Variants in PRMT3 observed in about 807,000 individuals in gnomAD.
PRMT3 encodes protein arginine methyltransferase 3.
In PRMT3, 62 loss-of-function variants were observed where a neutral mutation model predicts 71.9. That is an observed-to-expected ratio of 0.86 (90% CI 0.70 to 1.07). The LOEUF (loss-of-function observed/expected upper bound fraction) is 1.07, where lower values mean the gene tolerates loss of function less well. Among genes scored for constraint, PRMT3 ranks in the 50% least tolerant of loss-of-function variants. The probability of loss-of-function intolerance (pLI) is 0.00; values close to 1 mark genes in which losing one functional copy is unlikely to be tolerated. For missense variants in PRMT3, 663 were observed against 643.0 expected, an observed-to-expected ratio of 1.03 and a Z score of -0.34; for synonymous variants, 213 against 220.4, an observed-to-expected ratio of 0.97 and a Z score of 0.30.
intron 13 of PRMT3, among the ~76,000 whole-genome samples, chr11:20,475,542 T>A (rs556478256): frequency 3.1e-4 from 46 of 150,220 alleles, no homozygotes; most frequent in African/African-American, 1.0e-3. Flanking sequence ...ACTGAAACAT[T>A]GTTATGTGGC....
At chr11:20,437,500 T>C (rs1183226473) in intron 10 of PRMT3, among the ~76,000 whole-genome samples, 1 of 152,226 alleles carries the variant, frequency 6.6e-6, no homozygotes, top group African/African-American at 2.4e-5. Context: ...CTTTGCAGCT[T>C]CTTGACCTGT....
intron 13 of PRMT3, among the ~76,000 whole-genome samples, chr11:20,473,219 C>G (rs1850694192): frequency 6.6e-6 from 1 of 151,734 alleles, no homozygotes; most frequent in South Asian, 2.1e-4. Context: ...TTTTTTGTGT[C>G]TCTATCTTCT....
In PRMT3 at chr11:20,388,135, C is replaced by G. The variant is rs772486813; in HGVS notation, c.145C>G (p.Pro49Ala). 15 of 1,613,852 alleles carry G rather than the reference C, an allele frequency of 9.3e-6. No homozygotes were observed. Among genetic ancestry groups the G allele is most frequent in the Non-Finnish European group, 1.7e-6 (2 of 1,179,996 alleles). Residue 49 changes from proline to alanine, a missense_variant, in exon 2 of 16, where the codon CCC (proline) becomes GCC (alanine). Transcript: ENST00000331079. Reference protein sequence around the residue: ...ADLPHGKQQTPCLFCNRLFTS... With the variant: ...ADLPHGKQQTACLFCNRLFTS... ...TCTCCCCCACGGCAAGCAGCAGACC[C>G]CCTGCCTGTTCTGTAACAGGTTCGT...
intron 13 of PRMT3, among the ~76,000 whole-genome samples, chr11:20,469,046 C>T (rs1033926240): frequency 3.9e-5 from 6 of 152,144 alleles, no homozygotes; most frequent in Non-Finnish European, 7.4e-5. Context: ...TCAATGAGTA[C>T]TGGTACCACA....
chr11:20,416,128 C>T (rs1565202773), intron 9 of PRMT3, among the ~76,000 whole-genome samples: 1 of 152,182 alleles, frequency 6.6e-6, no homozygotes, highest in African/African-American at 2.4e-5. Context: ...TGCATCTGCA[C>T]TTAACTGGAC....
chr11:20,411,665 A>G (rs549913455), intron 9 of PRMT3, among the ~76,000 whole-genome samples: 54 of 152,268 alleles, frequency 3.5e-4, no homozygotes, highest in African/African-American at 1.3e-3. Flanking sequence ...CATGGAGAGT[A>G]TAACAAAATG....
intron 11 of PRMT3, among the ~76,000 whole-genome samples, chr11:20,453,081 A>T (rs545959490): frequency 1.5e-4 from 23 of 152,326 alleles, no homozygotes; most frequent in African/African-American, 5.3e-4. Flanking sequence ...AAACTGTCAC[A>T]TGAAAGGGGC....
chr11:20,392,858 T>C (rs776607618), intron 4 of PRMT3, 39 bp from the exon 5 acceptor site: 2 of 1,277,286 alleles, frequency 1.6e-6, no homozygotes, highest in South Asian at 2.6e-5. Context: ...TTTGTGATTA[T>C]ATGTAATGAA....
intron 10 of PRMT3, among the ~76,000 whole-genome samples, chr11:20,432,125 T>A (rs941688823): frequency 1.3e-5 from 2 of 152,114 alleles, no homozygotes; most frequent in African/African-American, 4.8e-5. Context: ...CTTTCTTTTA[T>A]TCAATCTTCG....
intron 10 of PRMT3, 71 bp downstream of exon 10, chr11:20,426,936 G>A: frequency 1.4e-6 from 2 of 1,440,414 alleles, no homozygotes; most frequent in South Asian, 3.0e-5. Flanking sequence ...TAGTTTTCAT[G>A]AATTTAATTA....
intron 10 of PRMT3, among the ~76,000 whole-genome samples, chr11:20,427,378 G>A (rs930939678): frequency 2.0e-5 from 3 of 152,122 alleles, no homozygotes; most frequent in Admixed American, 1.3e-4. Flanking sequence ...TTTATAATTT[G>A]CTGTTGAAAT....
intron 13 of PRMT3, among the ~76,000 whole-genome samples, chr11:20,492,716 CAA>C (rs1179934763): frequency 4.6e-5 from 7 of 152,076 alleles, no homozygotes; most frequent in Non-Finnish European, 8.8e-5. Flanking sequence ...TAAATTTAAC[CAA>C]AAAACTCAAA....
intron 10 of PRMT3, 87 bp from the exon 11 acceptor site, chr11:20,452,043 T>G (rs865951491): frequency 1.1e-6 from 1 of 906,164 alleles, no homozygotes; most frequent in Non-Finnish European, 1.6e-6. Flanking sequence ...ATTCTGTAAT[T>G]AAAAGAGTAG....
intron 13 of PRMT3, among the ~76,000 whole-genome samples, chr11:20,484,333 G>A (rs1235946710): frequency 6.6e-6 from 1 of 152,202 alleles, no homozygotes; most frequent in Non-Finnish European, 1.5e-5. Context: ...AAAGAAGGCT[G>A]CCCAGAGGAA....
At chr11:20,489,769 G>T (rs561362382) in intron 13 of PRMT3, among the ~76,000 whole-genome samples, 48 of 144,846 alleles carry the variant, frequency 3.3e-4, no homozygotes, top group South Asian at 1.8e-3. Context: ...AATTGAAGGG[G>T]TTTTTTTTTT....
At chr11:20,453,481 G>GAA (rs577245603) in intron 11 of PRMT3, among the ~76,000 whole-genome samples, 4 of 120,224 alleles carry the variant, frequency 3.3e-5, no homozygotes, top group African/African-American at 9.1e-5. Context: ...CTCCATCTCA[G>GAA]AAAAAAAAAA....
chr11:20,485,652 A>G (rs1851054471), intron 13 of PRMT3, among the ~76,000 whole-genome samples: 1 of 152,194 alleles, frequency 6.6e-6, no homozygotes, highest in Non-Finnish European at 1.5e-5. Flanking sequence ...GCCTGGAGAC[A>G]TGCAAGAATG....
At chr11:20,499,902 C>T (rs189030135) in intron 15 of PRMT3, among the ~76,000 whole-genome samples, 13 of 152,244 alleles carry the variant, frequency 8.5e-5, no homozygotes, top group East Asian at 7.7e-4. Context: ...CAATTTTTCC[C>T]GCCAAATGTA....
intron 9 of PRMT3, among the ~76,000 whole-genome samples, chr11:20,416,503 C>G (rs573977794): frequency 3.3e-5 from 5 of 152,134 alleles, no homozygotes; most frequent in South Asian, 4.2e-4. Flanking sequence ...CCCAGCACAT[C>G]CTAGGCATTC....
Sources: gnomAD v4.1 joint callset for allele counts (sites outside exome capture counted in the v4.1 genomes callset) on GRCh38, gnomAD v4.1.1 for gene constraint, MANE v1.5 for transcripts, NCBI Gene and HGNC (gene_info 2026-07-23, HGNC 2026-07-21) for gene names.